ARIH1: variants seen among roughly 807,000 people sequenced by gnomAD.
The protein encoded by ARIH1 is E3 ubiquitin-protein ligase ARIH1.
A neutral mutation model predicts 85.0 loss-of-function variants in ARIH1; 8 were observed. The observed-to-expected ratio is 0.09, with a 90% CI of 0.06 to 0.17. ARIH1 has a LOEUF of 0.17. Ranked by LOEUF, ARIH1 falls within the 10% of genes least tolerant of loss-of-function variation. ARIH1 has a pLI of 1.00. For synonymous variants in ARIH1, 238 were observed against 253.6 expected, an observed-to-expected ratio of 0.94 and a Z score of 0.59; for missense variants, 311 against 718.1, an observed-to-expected ratio of 0.43 and a Z score of 6.48.
intron 6 of ARIH1, 102 bp from the exon 7 acceptor site, chr15:72,563,292 C>G: frequency 1.1e-6 from 1 of 951,558 alleles, no homozygotes; most frequent in South Asian, 1.4e-5. Flanking sequence ...TGCTTGACCT[C>G]AAACAGTCCT....
At chr15:72,510,197 G>A (rs567727549) in intron 1 of ARIH1, among the ~76,000 whole-genome samples, 4 of 152,044 alleles carry the variant, frequency 2.6e-5, no homozygotes, top group Non-Finnish European at 5.9e-5. Flanking sequence ...AATTATTCTA[G>A]GTACAAATTC....
Position 72,582,029 on chromosome 15 carries a change from T to G in ARIH1, c.1477-46T>G. On this transcript the variant is annotated intron_variant, in intron 12 of 13. Transcript: ENST00000379887. This position sits in a 1 kb window ranked among gnomAD's most constrained non-coding sequence, Gnocchi z 4.6. ...ACAAAACAGTGAAAATGGTTTATCT[T>G]TTAGCTTTATTTTGAAGCCAAAATT... The G allele has an allele frequency of 7.5e-7, 1 of 1,342,164 alleles. No individual in the cohort carries two copies. The highest frequency in any genetic ancestry group is 1.2e-5 in the South Asian group (1 of 82,442). 83.1% of individuals were successfully genotyped at this position (1,342,164 alleles called of 1,614,324 possible).
At position 72,588,412 on chromosome 15, in the gene ARIH1, C is replaced by T. The variant is rs1464986161; in HGVS notation, c.*5120C>T. 6.6e-6 allele frequency: 1 copy of T among 152,164 alleles called. No individual in the cohort carries two copies. Among genetic ancestry groups the T allele is most frequent in the African/African-American group, 2.4e-5 (1 of 41,436 alleles). 9.4% of individuals were successfully genotyped at this position (152,164 alleles called of 1,614,324 possible). ...AAAAAATATTAGTGCCTGAGTGTTA[C>T]TTTATGGAGATTATGATTTAATTGC... On this transcript the variant is annotated 3_prime_UTR_variant, in exon 14 of 14. Transcript: ENST00000379887.
rs2064344592 is a variant in ARIH1, at chr15:72,591,750, A to C, written c.*8458A>C. 6.6e-6 allele frequency: 1 copy of C among 152,216 alleles called. No homozygotes were observed. The highest frequency in any genetic ancestry group is 6.5e-5 in the Admixed American group (1 of 15,280). 9.4% of individuals were successfully genotyped at this position (152,216 alleles called of 1,614,324 possible). ...TCTCATGGAATGCTCTAAAATTGTT[A>C]AGTTCTTGCACTTGCTCTCAAGTCA... On this transcript the variant is annotated 3_prime_UTR_variant, in exon 14 of 14. Transcript: ENST00000379887.
intron 1 of ARIH1, among the ~76,000 whole-genome samples, chr15:72,492,609 T>G (rs1296586671): frequency 4.6e-5 from 7 of 152,230 alleles, no homozygotes; most frequent in African/African-American, 7.2e-5. Context: ...TGGAAACGTA[T>G]GTACATAATT....
In ARIH1 at chr15:72,518,079, A is replaced by C. The variant is rs771736875; in HGVS notation, c.388A>C (p.Ile130Leu). The C allele has an allele frequency of 1.2e-6, 2 of 1,610,604 alleles. No individual in the cohort carries two copies. Among genetic ancestry groups the C allele is most frequent in the Admixed American group, 1.7e-5 (1 of 59,860 alleles). Residue 130 changes from isoleucine to leucine, a missense_variant, in exon 2 of 14, where the codon ATC becomes CTC. Physicochemically the swap from Ile to Leu is conservative, Grantham distance 5 (BLOSUM62 2). This residue lies in a region of ARIH1 where 104 missense variants were observed against 221.4 expected (regional missense o/e 0.47). Transcript: ENST00000379887. ...VNEVIQNPAT[I>L]TRILLSHFNW... ...CCTCCTTCTTTAGAATCCAGCAACTATCACAAGAATACTCCTTAGCCACTT... is the reference window on the plus strand; with the variant it reads ...CCTCCTTCTTTAGAATCCAGCAACTCTCACAAGAATACTCCTTAGCCACTT...
At chr15:72,483,885 T>G (rs569114173) in intron 1 of ARIH1, among the ~76,000 whole-genome samples, 1 of 151,884 alleles carries the variant, frequency 6.6e-6, no homozygotes, top group Non-Finnish European at 1.5e-5. Flanking sequence ...AAATTGTAGA[T>G]TCACAGCCGG....
intron 1 of ARIH1, among the ~76,000 whole-genome samples, chr15:72,510,570 C>A (rs1339234352): frequency 1.3e-5 from 2 of 151,120 alleles, no homozygotes; most frequent in African/African-American, 4.9e-5. Context: ...TGGTGAAAGC[C>A]CATCTCTACT....
chr15:72,518,390 A>G (rs928241712), intron 2 of ARIH1, among the ~76,000 whole-genome samples: 5 of 152,214 alleles, frequency 3.3e-5, no homozygotes, highest in Non-Finnish European at 7.4e-5. Flanking sequence ...AGTATCTTCT[A>G]CATATATCCT....
chr15:72,553,767 A>G (rs2064162787), intron 3 of ARIH1, among the ~76,000 whole-genome samples: 1 of 152,174 alleles, frequency 6.6e-6, no homozygotes, highest in Admixed American at 6.5e-5. Flanking sequence ...AAATACAAAA[A>G]TTAGCTGGGC....
At chr15:72,526,026 TA>T (rs2064026459) in intron 2 of ARIH1, among the ~76,000 whole-genome samples, 1 of 152,156 alleles carries the variant, frequency 6.6e-6, no homozygotes, top group South Asian at 2.1e-4. Context: ...TAAGAAAAGG[TA>T]AGCAATATAC....
chr15:72,519,703 C>T (rs997935231), intron 2 of ARIH1, among the ~76,000 whole-genome samples: 7 of 151,872 alleles, frequency 4.6e-5, no homozygotes, highest in African/African-American at 1.2e-4. Flanking sequence ...AGGCTGGTCT[C>T]GAACTCCCAA....
In ARIH1 at chr15:72,497,459, TAA is replaced by T. The variant is rs11321448; in HGVS notation, c.376-20599_376-20598del. Among the ~76,000 whole-genome samples, 45 of 151,142 alleles carry T rather than the reference TAA, an allele frequency of 3.0e-4. 1 individual carries two copies. The highest frequency in any genetic ancestry group is 3.4e-3 in the Middle Eastern group (1 of 294). On this transcript the variant is annotated intron_variant, in intron 1 of 13. Coordinates refer to ENST00000379887, the MANE Select transcript of ARIH1 (RefSeq NM_005744.5). Reference sequence around the variant, plus strand: ...GCAGTTATAATAGCAATTTCTGGCTTAAAAAAAAAACAGGGTTAGGATGGAAG... The same window carrying T: ...GCAGTTATAATAGCAATTTCTGGCTTAAAAAAAACAGGGTTAGGATGGAAG...
chr15:72,559,608 T>A (rs1407095149), intron 5 of ARIH1, among the ~76,000 whole-genome samples: 1 of 152,182 alleles, frequency 6.6e-6, no homozygotes, highest in Non-Finnish European at 1.5e-5. Context: ...CAGTGGCTTT[T>A]AGTATATACA....
In ARIH1 at chr15:72,474,793, C is replaced by T. The variant is rs1341021289; in HGVS notation, c.154C>T (p.Leu52=). The change falls in exon 1 of 14, where the codon CTG becomes TTG. Residue 52 remains leucine (L), a synonymous_variant. Coordinates refer to ENST00000379887, the MANE Select transcript of ARIH1 (RefSeq NM_005744.5). ...LGEVELVEPG[L]GVGGERDGLL... is the part of the protein sequence containing the mutation. The stretch of plus-strand genomic sequence containing the variant: ...CGAGGTGGAGCTGGTGGAGCCCGGG[C>T]TGGGCGTCGGCGGGGAGCGGGACGG... 1.3e-6 allele frequency: 2 copies of T among 1,505,558 alleles called. No individual in the cohort carries two copies. Among genetic ancestry groups the T allele is most frequent in the Admixed American group, 4.1e-5 (2 of 48,434 alleles). 93.3% of individuals were successfully genotyped at this position (1,505,558 alleles called of 1,614,324 possible).
chr15:72,527,897 A>C (rs1157607799), intron 2 of ARIH1, among the ~76,000 whole-genome samples: 1 of 152,224 alleles, frequency 6.6e-6, no homozygotes, highest in Non-Finnish European at 1.5e-5. Flanking sequence ...CACATAACGC[A>C]GTTCCTAATA....
At chr15:72,517,636 C>T (rs1192867924) in intron 1 of ARIH1, among the ~76,000 whole-genome samples, 1 of 152,064 alleles carries the variant, frequency 6.6e-6, no homozygotes, top group Non-Finnish European at 1.5e-5. Flanking sequence ...GTTGCCCAGG[C>T]TGGTCACAAA....
At chr15:72,574,185 T>G (rs1310600253) in intron 11 of ARIH1, among the ~76,000 whole-genome samples, 2 of 152,248 alleles carry the variant, frequency 1.3e-5, no homozygotes, top group African/African-American at 4.8e-5. Context: ...GGGTGGGTTA[T>G]GTGCATAGCT....
At chr15:72,487,838 C>A (rs1029944373) in intron 1 of ARIH1, among the ~76,000 whole-genome samples, 2 of 152,100 alleles carry the variant, frequency 1.3e-5, no homozygotes, top group African/African-American at 4.8e-5. Flanking sequence ...AAAGTCTATC[C>A]CAGACTCCTT....
Sources: gnomAD v4.1 joint callset for allele counts (sites outside exome capture counted in the v4.1 genomes callset) on GRCh38, gnomAD v4.1.1 for gene constraint, gnomAD v4.1.1 regional missense constraint, Gnocchi (gnomAD v3.1) non-coding constraint, MANE v1.5 for transcripts, NCBI Gene and HGNC (gene_info 2026-07-23, HGNC 2026-07-21) for gene names.